DPYSL2: variants seen among roughly 807,000 people sequenced by gnomAD.
DPYSL2 encodes dihydropyrimidinase like 2, also known as dihydropyrimidinase-related protein 2.
Under a neutral mutation model 69.9 loss-of-function variants are expected in DPYSL2, and 13 were observed. The observed-to-expected ratio is 0.19, with a 90% CI of 0.12 to 0.30. The LOEUF is 0.30. Ranked by LOEUF, DPYSL2 falls within the 10% of genes least tolerant of loss-of-function variation. DPYSL2 has a pLI of 1.00. For missense variants in DPYSL2, 587 were observed against 918.9 expected, an observed-to-expected ratio of 0.64 and a Z score of 4.67; for synonymous variants, 326 against 359.1, an observed-to-expected ratio of 0.91 and a Z score of 1.04.
intron 1 of DPYSL2, chr8:26,577,680 C>A: frequency 2.0e-6 from 1 of 493,614 alleles, no homozygotes. Context: ...CGCCGCCAAA[C>A]CCGGTCCCCA....
Position 26,562,130 on chromosome 8 carries a change from A to G in DPYSL2, c.355-19839A>G, listed in dbSNP as rs1801081654. ...TCTATTAGTGACTTTTATTGGCAGC[A>G]GAAACAAGAGTGGATAAGAGGAAGG... On this transcript the variant is annotated intron_variant, in intron 1 of 13. Transcript: ENST00000521913. The surrounding 1 kb of genome is among the most constrained non-coding windows in gnomAD (Gnocchi z 4.9). Among the ~76,000 whole-genome samples, 1 of 152,202 alleles carries G rather than the reference A, an allele frequency of 6.6e-6. No individual in the cohort carries two copies. The highest frequency in any genetic ancestry group is 6.5e-5 in the Admixed American group (1 of 15,276).
intron 1 of DPYSL2, among the ~76,000 whole-genome samples, chr8:26,555,982 T>C (rs1331730387): frequency 6.1e-5 from 7 of 115,450 alleles, no homozygotes; most frequent in Non-Finnish European, 9.9e-5. Context: ...ATAGTATATA[T>C]AGTATATATA....
chr8:26,589,646 TG>T (rs1465794887), intron 3 of DPYSL2, among the ~76,000 whole-genome samples: 1 of 152,088 alleles, frequency 6.6e-6, no homozygotes, highest in Non-Finnish European at 1.5e-5. Context: ...TGAGTCCCTG[TG>T]GTCAGATCTG....
intron 1 of DPYSL2, chr8:26,547,647 G>C (rs1045433084): frequency 6.2e-6 from 1 of 161,170 alleles, no homozygotes; most frequent in Non-Finnish European, 1.4e-5. Flanking sequence ...GCAGAGAGAT[G>C]GGGACTTTAA....
In DPYSL2 at chr8:26,619,524, G is replaced by A. The variant is rs1480618403; in HGVS notation, c.629-4619G>A. On this transcript the variant is annotated intron_variant, in intron 3 of 13. Coordinates refer to ENST00000521913, the MANE Select transcript of DPYSL2 (RefSeq NM_001197293.3). This position sits in a 1 kb window ranked among gnomAD's most constrained non-coding sequence, Gnocchi z 4.8. ...CTGTTGTGTAGTAAACAGGCCCCTCGTGGTAAATGGAGAGCAGTGAATGGA... is the reference window on the plus strand; with the variant it reads ...CTGTTGTGTAGTAAACAGGCCCCTCATGGTAAATGGAGAGCAGTGAATGGA... The A allele has an allele frequency of 1.3e-5, 2 of 152,136 alleles. No homozygotes were observed. The highest frequency in any genetic ancestry group is 2.9e-5 in the Non-Finnish European group (2 of 68,058). The allele number at this position is 152,136 out of a possible 1,614,324, so 9.4% of individuals were successfully genotyped here. A position where few individuals can be genotyped will look rare whatever the true frequency, so the allele number is the denominator to read the frequency against.
chr8:26,603,706 A>T (rs947161101), intron 3 of DPYSL2, among the ~76,000 whole-genome samples: 5 of 152,158 alleles, frequency 3.3e-5, no homozygotes, highest in African/African-American at 1.2e-4. Flanking sequence ...CTATTCTATT[A>T]TAGTTGTTTC....
intron 3 of DPYSL2, among the ~76,000 whole-genome samples, chr8:26,618,958 CAAAAGAAAAAAAAG>C (rs1802421050): frequency 5.3e-5 from 8 of 151,350 alleles, no homozygotes; most frequent in Admixed American, 5.3e-4. Context: ...AACGCCATCT[CAAAAGAAAAAAAAG>C]AAAAGAAAAA....
intron 3 of DPYSL2, among the ~76,000 whole-genome samples, chr8:26,596,287 G>A (rs1176648922): frequency 1.3e-5 from 2 of 152,198 alleles, no homozygotes; most frequent in African/African-American, 2.4e-5. Flanking sequence ...CCTCTTTGTA[G>A]GATGAACGTT....
At chr8:26,623,434 G>A (rs1049198374) in intron 3 of DPYSL2, among the ~76,000 whole-genome samples, 1 of 152,144 alleles carries the variant, frequency 6.6e-6, no homozygotes, top group African/African-American at 2.4e-5. Flanking sequence ...CCGTTTTAAA[G>A]CAGCACAGAA....
chr8:26,576,813 G>A (rs1433903032), intron 1 of DPYSL2, among the ~76,000 whole-genome samples: 3 of 152,198 alleles, frequency 2.0e-5, no homozygotes, highest in Admixed American at 6.5e-5. Flanking sequence ...GCCCCACGGT[G>A]CGGTGTGGGT....
rs905837417 is a variant in DPYSL2 at position 26,654,882 on chromosome 8, C to T, written c.1943-733C>T. The stretch of plus-strand genomic sequence containing the variant: ...TAGTATCTCACTGTGTCACCCAGTA[C>T]CCAGGCTAGAGTGCAGTGGTGCAAT... On this transcript the variant is annotated intron_variant, in intron 13 of 13. Transcript: ENST00000521913. The surrounding 1 kb of genome is among the most constrained non-coding windows in gnomAD (Gnocchi z 5.0). 1.3e-5 allele frequency among the ~76,000 whole-genome samples: 2 copies of T among 152,096 alleles called. No homozygotes were observed. Among genetic ancestry groups the T allele is most frequent in the African/African-American group, 4.8e-5 (2 of 41,410 alleles).
intron 1 of DPYSL2, among the ~76,000 whole-genome samples, chr8:26,538,210 G>A (rs1800627330): frequency 6.6e-6 from 1 of 152,166 alleles, no homozygotes; most frequent in African/African-American, 2.4e-5. Flanking sequence ...TTGAGGAGGA[G>A]TGATGTCAGC....
rs61360009 is a variant in DPYSL2, at chr8:26,546,921, C to CAAAAA, written c.354+32268_354+32272dup. Reference sequence around the variant, plus strand: ...TGGGCGACTGAGGGAGACTCAGTCTCAAAAAAAAAAAAAAAAAAAAAAAAA... The same window carrying CAAAAA: ...TGGGCGACTGAGGGAGACTCAGTCTCAAAAAAAAAAAAAAAAAAAAAAAAAAAAAA... On this transcript the variant is annotated intron_variant, in intron 1 of 13. Coordinates refer to ENST00000521913, the MANE Select transcript of DPYSL2 (RefSeq NM_001197293.3). 9.9e-3 allele frequency among the ~76,000 whole-genome samples: 456 copies of CAAAAA among 46,244 alleles called. 3 individuals are homozygous for CAAAAA. Among genetic ancestry groups the CAAAAA allele is most frequent in the African/African-American group, 0.016 (141 of 8,900 alleles). 30.3% of individuals were successfully genotyped at this position (46,244 alleles called of 152,430 possible).
chr8:26,652,468 T>A lies in DPYSL2; in HGVS notation c.1776+32T>A. The stretch of plus-strand genomic sequence containing the variant: ...AGTTTTGTTCTGATGAATTTTTTGT[T>A]AAATCACGAATTAAGTTCAAGGCCA... On this transcript the variant is annotated intron_variant, in intron 12 of 13. Coordinates refer to ENST00000521913, the MANE Select transcript of DPYSL2 (RefSeq NM_001197293.3). This position sits in a 1 kb window ranked among gnomAD's most constrained non-coding sequence, Gnocchi z 6.3. 1 of 1,574,730 alleles carries A rather than the reference T, an allele frequency of 6.4e-7. No individual in the cohort carries two copies. Among genetic ancestry groups the A allele is most frequent in the East Asian group, 2.3e-5 (1 of 43,894 alleles).
At chr8:26,535,565 C>T (rs1044019339) in intron 1 of DPYSL2, among the ~76,000 whole-genome samples, 3 of 150,632 alleles carry the variant, frequency 2.0e-5, no homozygotes, top group African/African-American at 4.9e-5. Context: ...GCAGTGGAAA[C>T]AATAAACAGA....
At position 26,643,351 on chromosome 8, in the gene DPYSL2, G is replaced by A; in HGVS notation, c.1127-88G>A. The A allele has an allele frequency of 7.1e-7, 1 of 1,405,638 alleles. No homozygotes were observed. The highest frequency in any genetic ancestry group is 9.6e-7 in the Non-Finnish European group (1 of 1,038,112). 87.1% of individuals were successfully genotyped at this position (1,405,638 alleles called of 1,614,324 possible). On this transcript the variant is annotated intron_variant, in intron 8 of 13. Transcript: ENST00000521913. The surrounding 1 kb of genome is among the most constrained non-coding windows in gnomAD (Gnocchi z 6.5). ...TAAAGGGATAGTGAGTGCACTGGGT[G>A]CTGCTGGGCAGGCAGTGGCTCCTCA...
chr8:26,568,141 T>C (rs1156870749), intron 1 of DPYSL2, among the ~76,000 whole-genome samples: 3 of 152,094 alleles, frequency 2.0e-5, no homozygotes, highest in African/African-American at 7.2e-5. Flanking sequence ...ATCTGCTTGA[T>C]AGGAAGATAG....
At chr8:26,537,148 G>A (rs73558564) in intron 1 of DPYSL2, among the ~76,000 whole-genome samples, 2,440 of 152,152 alleles carry the variant, frequency 0.016, 55 homozygotes, top group African/African-American at 0.053. Flanking sequence ...GGAAGTATAG[G>A]TAATTCCTAC....
intron 3 of DPYSL2, among the ~76,000 whole-genome samples, chr8:26,623,379 A>G (rs991351822): frequency 2.0e-5 from 3 of 152,184 alleles, no homozygotes; most frequent in East Asian, 1.9e-4. Flanking sequence ...TGGATATGCT[A>G]TCTCCTTTAA....
Sources: allele counts gnomAD v4.1 joint callset (sites outside exome capture counted in the v4.1 genomes callset), GRCh38; gene constraint gnomAD v4.1.1; non-coding constraint Gnocchi (gnomAD v3.1); transcripts MANE v1.5; gene names NCBI Gene and HGNC (gene_info 2026-07-23, HGNC 2026-07-21).